The following MATCAP2 variants were observed in gnomAD, a reference collection of about 807,000 sequenced individuals.
MATCAP2 encodes the protein putative tyrosine carboxypeptidase MATCAP2.
the MATCAP2 span, among the ~76,000 whole-genome samples, chr7:36,386,009 G>C: frequency 6.6e-6 from 1 of 151,888 alleles, no homozygotes; most frequent in African/African-American, 2.4e-5. Context: ...ACAAAAATTA[G>C]CCAGATTTGG....
At chr7:36,353,625 C>G in the MATCAP2 span, among the ~76,000 whole-genome samples, 1 of 151,800 alleles carries the variant, frequency 6.6e-6, no homozygotes, top group Admixed American at 6.6e-5. Context: ...GGACTACAGG[C>G]GCCCACCACC....
At chr7:36,339,890 G>A in the MATCAP2 span, among the ~76,000 whole-genome samples, 1 of 152,154 alleles carries the variant, frequency 6.6e-6, no homozygotes, top group East Asian at 1.9e-4. Flanking sequence ...CCAGGCTGAG[G>A]TGTAGTGGCA....
At chr7:36,390,171 G>A in the MATCAP2 span, 6 of 1,534,584 alleles carry the variant, frequency 3.9e-6, no homozygotes, top group Non-Finnish European at 4.4e-6. Context: ...TGCGCAGTGT[G>A]TGCGGGCCGG....
chr7:36,359,465 G>A, the MATCAP2 span, among the ~76,000 whole-genome samples: 6 of 152,178 alleles, frequency 3.9e-5, no homozygotes, highest in Non-Finnish European at 8.8e-5. Flanking sequence ...ATCCAAATAT[G>A]TAAGGTATTT....
the MATCAP2 span, chr7:36,326,491 G>A: frequency 8.8e-5 from 21 of 237,544 alleles, no homozygotes; most frequent in Admixed American, 1.0e-3. Flanking sequence ...TTGACCAAGA[G>A]TCTTCAAAAA....
At chr7:36,343,718 AAAT>A in the MATCAP2 span, among the ~76,000 whole-genome samples, 13 of 151,666 alleles carry the variant, frequency 8.6e-5, no homozygotes, top group Non-Finnish European at 1.6e-4. Flanking sequence ...AAAGGAAAGA[AAAT>A]AAAATGTTTA....
the MATCAP2 span, chr7:36,390,120 G>C: frequency 6.2e-7 from 1 of 1,604,768 alleles, no homozygotes. Flanking sequence ...GTCAACCTCT[G>C]GGCGAACCCC....
chr7:36,351,232 C>A, the MATCAP2 span, among the ~76,000 whole-genome samples: 1 of 151,758 alleles, frequency 6.6e-6, no homozygotes, highest in South Asian at 2.1e-4. Flanking sequence ...CCTGTCTTTA[C>A]TAAAAGTACA....
chr7:36,350,544 T>C, the MATCAP2 span, among the ~76,000 whole-genome samples: 2 of 151,078 alleles, frequency 1.3e-5, no homozygotes, highest in Non-Finnish European at 3.0e-5. Flanking sequence ...TTTTTTTTTT[T>C]TTTTTTTTGA....
At chr7:36,340,860 T>C in the MATCAP2 span, among the ~76,000 whole-genome samples, 2 of 152,326 alleles carry the variant, frequency 1.3e-5, no homozygotes, top group South Asian at 2.1e-4. Context: ...TGCTTCCTTA[T>C]ACAACTTCTT....
At chr7:36,380,273 A>C in the MATCAP2 span, among the ~76,000 whole-genome samples, 1 of 152,174 alleles carries the variant, frequency 6.6e-6, no homozygotes, top group Non-Finnish European at 1.5e-5. Flanking sequence ...CTGAACACTA[A>C]GCAAAGTGGG....
the MATCAP2 span, among the ~76,000 whole-genome samples, chr7:36,381,103 G>T: frequency 2.0e-5 from 3 of 152,140 alleles, no homozygotes; most frequent in Non-Finnish European, 4.4e-5. Context: ...AATATTTTCA[G>T]TTAGGGCCCA....
chr7:36,332,300 A>T, the MATCAP2 span, among the ~76,000 whole-genome samples: 1 of 152,352 alleles, frequency 6.6e-6, no homozygotes, highest in East Asian at 1.9e-4. Context: ...AAAAGAGTAC[A>T]AATTAAGAAA....
At chr7:36,364,586 T>A in the MATCAP2 span, among the ~76,000 whole-genome samples, 1 of 152,174 alleles carries the variant, frequency 6.6e-6, no homozygotes, top group African/African-American at 2.4e-5. Flanking sequence ...TAACGACTTT[T>A]AGAGCTGAAA....
chr7:36,373,497 C>T, the MATCAP2 span, among the ~76,000 whole-genome samples: 2 of 152,250 alleles, frequency 1.3e-5, no homozygotes, highest in South Asian at 4.1e-4. Context: ...TTTGGCTGAT[C>T]CTGGACCCAC....
chr7:36,383,806 GT>G, the MATCAP2 span: 1 of 1,192,094 alleles, frequency 8.4e-7, no homozygotes. Flanking sequence ...AGAACTTAAA[GT>G]ATAATAATAA....
the MATCAP2 span, among the ~76,000 whole-genome samples, chr7:36,364,664 T>C: frequency 6.6e-6 from 1 of 152,122 alleles, no homozygotes; most frequent in Non-Finnish European, 1.5e-5. Flanking sequence ...AAGAAGAACA[T>C]GGCCATCTCA....
the MATCAP2 span, among the ~76,000 whole-genome samples, chr7:36,384,612 G>C: frequency 3.3e-5 from 5 of 152,184 alleles, no homozygotes; most frequent in Admixed American, 6.5e-5. Flanking sequence ...TCAGATAGTG[G>C]CAAATGTGAT....
chr7:36,389,863 A>C, the MATCAP2 span: 1 of 1,281,142 alleles, frequency 7.8e-7, no homozygotes, highest in African/African-American at 1.5e-5. Context: ...GCAGAGGCCG[A>C]GTCCGTCACT....
Sources: gnomAD v4.1 joint callset for allele counts (sites outside exome capture counted in the v4.1 genomes callset) on GRCh38, gnomAD v4.1.1 for gene constraint, MANE v1.5 for transcripts, NCBI Gene and HGNC (gene_info 2026-07-23, HGNC 2026-07-21) for gene names.